Variants in PPP4R3A observed in about 807,000 individuals in gnomAD.
PPP4R3A encodes protein phosphatase 4 regulatory subunit 3A.
Under a neutral mutation model 91.7 loss-of-function variants are expected in PPP4R3A, and 15 were observed. That is an observed-to-expected ratio of 0.16 (90% CI 0.11 to 0.25). The LOEUF (loss-of-function observed/expected upper bound fraction) is 0.25. PPP4R3A is among the 10% of genes least tolerant of loss of function. The pLI, the probability that PPP4R3A is intolerant of heterozygous loss-of-function variation, is 1.00. For synonymous variants in PPP4R3A, 377 were observed against 348.7 expected (o/e 1.08, Z -0.91); for missense variants, 623 against 998.4 (o/e 0.62, Z 5.07).
chr14:91,476,304 T>TA, intron 6 of PPP4R3A, 104 bp downstream of exon 6: 1 of 909,766 alleles, frequency 1.1e-6, no homozygotes. Flanking sequence ...ACTACGCAGC[T>TA]AATTTCAAAT....
intron 2 of PPP4R3A, among the ~76,000 whole-genome samples, chr14:91,490,168 C>G (rs1470606994): frequency 6.6e-6 from 1 of 152,196 alleles, no homozygotes; most frequent in Non-Finnish European, 1.5e-5. Context: ...TGAATGAATA[C>G]CATTTAATAA....
At chr14:91,469,498 T>C (rs544198891) in intron 10 of PPP4R3A, among the ~76,000 whole-genome samples, 20 of 152,328 alleles carry the variant, frequency 1.3e-4, no homozygotes, top group African/African-American at 4.8e-4. Context: ...AAAATGAATA[T>C]AATGTTGCCC....
intron 10 of PPP4R3A, chr14:91,466,131 T>C (rs1385372960): frequency 1.7e-6 from 1 of 581,564 alleles, no homozygotes; most frequent in East Asian, 1.4e-4. Context: ...GGGAGTTACT[T>C]AAGTCACCAT....
chr14:91,498,165 T>A (rs1487896915), intron 1 of PPP4R3A, among the ~76,000 whole-genome samples: 1 of 152,038 alleles, frequency 6.6e-6, no homozygotes, highest in Non-Finnish European at 1.5e-5. Context: ...TGAAACCCCG[T>A]CTCTACTAAA....
chr14:91,498,389 T>G (rs1224351453), intron 1 of PPP4R3A, among the ~76,000 whole-genome samples: 1 of 152,224 alleles, frequency 6.6e-6, no homozygotes, highest in Non-Finnish European at 1.5e-5. Flanking sequence ...GAAAAGTTAT[T>G]TTTTCTTAAT....
At chr14:91,466,834 C>G (rs1048748331) in intron 10 of PPP4R3A, among the ~76,000 whole-genome samples, 1 of 151,996 alleles carries the variant, frequency 6.6e-6, no homozygotes, top group Non-Finnish European at 1.5e-5. Context: ...AGAGCTCATG[C>G]TAATAGACCA....
At position 91,476,317 on chromosome 14, in the gene PPP4R3A, T is replaced by C. The variant is rs114928396; in HGVS notation, c.1110+91A>G. The stretch of plus-strand genomic sequence containing the variant: ...GAACTACGCAGCTAATTTCAAATAT[T>C]GGCTATAATAGAATATTTGCATGTA... On this transcript the variant is annotated intron_variant, in intron 6 of 14. Transcript: ENST00000554943. 6.9e-3 allele frequency: 6,800 copies of C among 980,940 alleles called. 280 individuals are homozygous for C. In the African/African-American group the frequency reaches 0.095, roughly 14 times the overall value. The allele number at this position is 980,940 out of a possible 1,614,324, so 60.8% of individuals were successfully genotyped here.
chr14:91,473,542 A>G (rs75338164), intron 7 of PPP4R3A, among the ~76,000 whole-genome samples, 172 bp from the exon 8 acceptor site: 4,915 of 152,292 alleles, frequency 0.032, 134 homozygotes, highest in Admixed American at 0.071. Flanking sequence ...TTCATTCCCT[A>G]AAGTGTGGTA....
At chr14:91,501,557 T>C (rs1233496754) in intron 1 of PPP4R3A, among the ~76,000 whole-genome samples, 2 of 152,056 alleles carry the variant, frequency 1.3e-5, no homozygotes, top group Non-Finnish European at 2.9e-5. Flanking sequence ...CTTGGGACAC[T>C]GAGGTGAGAG....
chr14:91,481,292 G>C (rs1889542449), intron 4 of PPP4R3A, among the ~76,000 whole-genome samples: 2 of 152,114 alleles, frequency 1.3e-5, no homozygotes, highest in Admixed American at 6.5e-5. Context: ...CGCTGAGACT[G>C]CATTATTGCC....
intron 14 of PPP4R3A, among the ~76,000 whole-genome samples, chr14:91,459,517 CAT>C (rs1203517600): frequency 6.6e-6 from 1 of 151,318 alleles, no homozygotes; most frequent in East Asian, 1.9e-4. Flanking sequence ...TTTTTTTAAA[CAT>C]AAAGTCTAAA....
intron 5 of PPP4R3A, 59 bp downstream of exon 5, chr14:91,476,850 G>A (rs1240777187): frequency 4.2e-6 from 6 of 1,428,580 alleles, no homozygotes; most frequent in Non-Finnish European, 5.8e-6. Flanking sequence ...ACAGGCGTGA[G>A]CCACCAAGCC....
intron 1 of PPP4R3A, among the ~76,000 whole-genome samples, chr14:91,507,205 C>T (rs1891350647): frequency 6.6e-6 from 1 of 151,132 alleles, no homozygotes; most frequent in Non-Finnish European, 1.5e-5. Context: ...CCCATAGTCC[C>T]AGCTACTAAG....
At chr14:91,477,579 A>T (rs1030739973) in intron 4 of PPP4R3A, among the ~76,000 whole-genome samples, 2 of 152,208 alleles carry the variant, frequency 1.3e-5, no homozygotes, top group African/African-American at 2.4e-5. Context: ...AGCCCAATTA[A>T]GGTGGCAGAG....
chr14:91,502,192 G>A (rs1253215103), intron 1 of PPP4R3A, among the ~76,000 whole-genome samples: 4 of 152,254 alleles, frequency 2.6e-5, no homozygotes, highest in Admixed American at 2.6e-4. Context: ...GGGTGAGGTA[G>A]GAGCATTGCT....
chr14:91,469,116 T>TAAC (rs1555434633), intron 10 of PPP4R3A, among the ~76,000 whole-genome samples: 1 of 133,158 alleles, frequency 7.5e-6, no homozygotes, highest in Non-Finnish European at 1.6e-5. Context: ...ATTTTTTCTG[T>TAAC]AAAAAAAAAA....
chr14:91,466,067 A>G (rs987856636), intron 10 of PPP4R3A, among the ~76,000 whole-genome samples: 35 of 150,856 alleles, frequency 2.3e-4, no homozygotes, highest in Admixed American at 3.3e-4. Flanking sequence ...CATTTTCATA[A>G]TTAATTAGGC....
intron 1 of PPP4R3A, among the ~76,000 whole-genome samples, chr14:91,506,689 T>C (rs898406434): frequency 1.3e-5 from 2 of 152,148 alleles, no homozygotes; most frequent in African/African-American, 2.4e-5. Context: ...CAGATAGGAC[T>C]ACAGGCCCGT....
At chr14:91,496,013 T>C (rs1044782721) in intron 1 of PPP4R3A, among the ~76,000 whole-genome samples, 2 of 152,184 alleles carry the variant, frequency 1.3e-5, no homozygotes, top group African/African-American at 4.8e-5. Context: ...TGTTAATATA[T>C]GAATCAAAGA....
Sources: allele counts gnomAD v4.1 joint callset (sites outside exome capture counted in the v4.1 genomes callset), GRCh38; gene constraint gnomAD v4.1.1; transcripts MANE v1.5; gene names NCBI Gene and HGNC (gene_info 2026-07-23, HGNC 2026-07-21).